The following EDNRB variants were observed in gnomAD, a reference collection of about 807,000 sequenced individuals.
EDNRB encodes the protein endothelin receptor type B, also known as Hirschsprung disease 2.
EDNRB carries 18 observed loss-of-function variants against 46.4 expected under a neutral mutation model. The observed-to-expected ratio is 0.39, with a 90% CI of 0.27 to 0.57. The LOEUF is 0.57. Ranked by LOEUF, EDNRB falls within the 20% of genes least tolerant of loss-of-function variation. The probability of loss-of-function intolerance (pLI) is 0.61; values close to 1 mark genes in which losing one functional copy is unlikely to be tolerated. For missense variants in EDNRB, 434 were observed against 537.5 expected (o/e 0.81, Z 1.90); for synonymous variants, 213 against 204.9 (o/e 1.04, Z -0.34).
chr13:77,918,599 C>T lies in EDNRB; in HGVS notation c.-26G>A, dbSNP rs2070591. 743 of 1,570,668 alleles carry T rather than the reference C, an allele frequency of 4.7e-4. 10 individuals carry two copies. In the East Asian group the frequency reaches 0.011, roughly 22 times the overall value. On this transcript the variant is annotated 5_prime_UTR_variant, in exon 1 of 7. Coordinates refer to ENST00000646607, the MANE Select transcript of EDNRB (RefSeq NM_001122659.3). This position sits in a 1 kb window ranked among gnomAD's most constrained non-coding sequence, Gnocchi z 4.5. ...GCTGCTACCTGCTCCAGAAGGCGTC[C>T]GGTGGCCGCTCCGCAGTTTCAGAGC...
At chr13:77,926,688 T>C (rs6563024) in intron 1 of EDNRB, among the ~76,000 whole-genome samples, 80,198 of 151,472 alleles carry the variant, frequency 0.53, 22,151 homozygotes, top group Non-Finnish European at 0.62. Flanking sequence ...CTCTGCGTGT[T>C]ATCCAGTTCC....
intron 1 of EDNRB, among the ~76,000 whole-genome samples, chr13:77,946,201 A>T (rs1432508163): frequency 6.6e-6 from 1 of 152,220 alleles, no homozygotes; most frequent in East Asian, 1.9e-4. Flanking sequence ...CAGTTATCTA[A>T]AGAAAAAGCC....
At chr13:77,943,896 T>G (rs577274326) in intron 1 of EDNRB, among the ~76,000 whole-genome samples, 2 of 152,202 alleles carry the variant, frequency 1.3e-5, no homozygotes, top group African/African-American at 4.8e-5. Flanking sequence ...TTGCTAACTT[T>G]CTATAATATA....
At chr13:77,925,048 CCCATTTCTTCCTCCA>C (rs1432999213) in intron 1 of EDNRB, among the ~76,000 whole-genome samples, 1 of 152,186 alleles carries the variant, frequency 6.6e-6, no homozygotes, top group Non-Finnish European at 1.5e-5. Context: ...AGAACAACTC[CCCATTTCTTCCTCCA>C]CCCAATCCCT....
intron 1 of EDNRB, among the ~76,000 whole-genome samples, chr13:77,965,977 A>G (rs1054611369): frequency 2.6e-5 from 4 of 152,142 alleles, no homozygotes; most frequent in African/African-American, 9.7e-5. Flanking sequence ...TTTGGTCTCA[A>G]GCAATCCTTC....
chr13:77,911,029 G>A (rs1879540821), intron 1 of EDNRB, among the ~76,000 whole-genome samples: 1 of 151,942 alleles, frequency 6.6e-6, no homozygotes, highest in Admixed American at 6.6e-5. Context: ...GAAAGAAATT[G>A]ATTGTACTCT....
intron 1 of EDNRB, among the ~76,000 whole-genome samples, chr13:77,948,279 T>C (rs1403412621): frequency 6.6e-6 from 1 of 152,228 alleles, no homozygotes; most frequent in Non-Finnish European, 1.5e-5. Context: ...GAGTTAATGA[T>C]GTTATGGGTT....
At chr13:77,936,411 A>G (rs903593349) in intron 1 of EDNRB, among the ~76,000 whole-genome samples, 4 of 152,180 alleles carry the variant, frequency 2.6e-5, no homozygotes, top group African/African-American at 4.8e-5. Flanking sequence ...CCTGGCCATC[A>G]ATACCCACAA....
At chr13:77,954,973 G>A (rs901654468) in intron 1 of EDNRB, among the ~76,000 whole-genome samples, 2 of 152,046 alleles carry the variant, frequency 1.3e-5, no homozygotes, top group African/African-American at 2.4e-5. Context: ...AATTCTTTTA[G>A]ATACATACTC....
Position 77,918,485 on chromosome 13 carries a change from C to G in EDNRB, c.89G>C (p.Gly30Ala). ...GLSRIWGEER[G>A]FPPDRATPLL... ...CGGAGTGGCCCTGTCAGGCGGGAAG[C>G]CTCTCTCCTCTCCCCAGATCCGCGA... Residue 30 changes from glycine (G) to alanine (A), a missense_variant, in exon 1 of 7, where the codon GGC (glycine) becomes GCC (alanine). Transcript: ENST00000646607. This position sits in a 1 kb window ranked among gnomAD's most constrained non-coding sequence, Gnocchi z 4.5. 1 of 1,563,568 alleles carries G rather than the reference C, an allele frequency of 6.4e-7. No individual in the cohort carries two copies.
At chr13:77,904,882 C>T (rs146280151) in intron 1 of EDNRB, among the ~76,000 whole-genome samples, 31 of 152,024 alleles carry the variant, frequency 2.0e-4, no homozygotes, top group African/African-American at 7.5e-4. Flanking sequence ...GGAGTCTTTC[C>T]ATCCTTTCAC....
chr13:77,925,305 C>T (rs558781829), intron 1 of EDNRB, among the ~76,000 whole-genome samples: 1 of 152,352 alleles, frequency 6.6e-6, no homozygotes, highest in East Asian at 1.9e-4. Flanking sequence ...GCAAATACCT[C>T]TTTTAATTCT....
chr13:77,920,656 G>A (rs901109714), upstream of EDNRB, among the ~76,000 whole-genome samples: 2 of 152,278 alleles, frequency 1.3e-5, no homozygotes, highest in African/African-American at 2.4e-5. Context: ...ACATGGTTAC[G>A]GAGTAAGGCT....
At chr13:77,967,398 C>A (rs1594403040) in intron 1 of EDNRB, among the ~76,000 whole-genome samples, 2 of 152,146 alleles carry the variant, frequency 1.3e-5, no homozygotes, top group Admixed American at 6.6e-5. Flanking sequence ...TTTCTTTAAA[C>A]CCTGAATTTC....
At chr13:77,931,752 A>AC (rs1880410668) in intron 1 of EDNRB, among the ~76,000 whole-genome samples, 5 of 138,066 alleles carry the variant, frequency 3.6e-5, no homozygotes, top group Non-Finnish European at 7.6e-5. Context: ...AGCAAAAAAA[A>AC]AAAAAAAACA....
intron 1 of EDNRB, among the ~76,000 whole-genome samples, chr13:77,913,086 T>A (rs1262339033): frequency 6.6e-6 from 1 of 152,176 alleles, no homozygotes. Context: ...ACTTGTTAAG[T>A]ACCAGAAGTA....
chr13:77,929,020 C>T (rs1002721552), intron 1 of EDNRB, among the ~76,000 whole-genome samples: 7 of 152,148 alleles, frequency 4.6e-5, no homozygotes, highest in African/African-American at 1.4e-4. Flanking sequence ...CCTATTTAAA[C>T]GTTCATCAGC....
upstream of EDNRB, chr13:77,919,382 A>G (rs757319401): frequency 6.2e-7 from 1 of 1,605,904 alleles, no homozygotes; most frequent in South Asian, 1.1e-5. Flanking sequence ...TTCAACACCA[A>G]GCCCGAATGT....
At chr13:77,957,354 T>G (rs1249517726) in intron 1 of EDNRB, among the ~76,000 whole-genome samples, 1 of 152,204 alleles carries the variant, frequency 6.6e-6, no homozygotes, top group African/African-American at 2.4e-5. Context: ...AGACTTTCAT[T>G]TAATATATTC....
Sources: allele counts gnomAD v4.1 joint callset (sites outside exome capture counted in the v4.1 genomes callset), GRCh38; gene constraint gnomAD v4.1.1; non-coding constraint Gnocchi (gnomAD v3.1); transcripts MANE v1.5; gene names NCBI Gene and HGNC (gene_info 2026-07-23, HGNC 2026-07-21).